The following HTR4 variants were observed in gnomAD, a reference collection of about 807,000 sequenced individuals.
The protein encoded by HTR4 is 5-hydroxytryptamine (serotonin) receptor 4, G protein-coupled.
In HTR4, 16 loss-of-function variants were observed where a neutral mutation model predicts 36.8. The ratio of observed to expected loss-of-function variants is 0.43; its 90% CI spans 0.29 to 0.66. HTR4 has a LOEUF of 0.66. Ranked by LOEUF, HTR4 falls within the 30% of genes least tolerant of loss-of-function variation. HTR4 has a pLI of 0.13. For synonymous variants in HTR4, 189 were observed against 185.1 expected (o/e 1.02, Z -0.17); for missense variants, 438 against 490.9 (o/e 0.89, Z 1.02).
intron 2 of HTR4, among the ~76,000 whole-genome samples, chr5:148,632,944 T>C (rs1224872835): frequency 1.3e-5 from 2 of 152,134 alleles, no homozygotes; most frequent in Non-Finnish European, 1.5e-5. Flanking sequence ...AAGCCAAAGA[T>C]GTTCTACAGG....
chr5:148,584,737 G>A (rs577212145), intron 2 of HTR4, among the ~76,000 whole-genome samples: 1 of 152,276 alleles, frequency 6.6e-6, no homozygotes, highest in Non-Finnish European at 1.5e-5. Flanking sequence ...TTTGGGCCAA[G>A]GAGTTACAGG....
chr5:148,578,709 A>G (rs969194583), intron 2 of HTR4, among the ~76,000 whole-genome samples: 1 of 152,076 alleles, frequency 6.6e-6, no homozygotes, highest in Non-Finnish European at 1.5e-5. Context: ...CGGGTGTCTT[A>G]TCTATAAAAC....
chr5:148,582,786 T>C (rs1394816015), intron 2 of HTR4, among the ~76,000 whole-genome samples: 2 of 152,214 alleles, frequency 1.3e-5, no homozygotes, highest in Non-Finnish European at 2.9e-5. Context: ...GTTGATTTTG[T>C]ATCCTGAGAC....
chr5:148,562,239 C>T (rs1016674442), intron 2 of HTR4, among the ~76,000 whole-genome samples: 4 of 152,056 alleles, frequency 2.6e-5, no homozygotes, highest in Non-Finnish European at 4.4e-5. Context: ...TTTCATGGCC[C>T]GAAGAGAAAC....
At chr5:148,619,558 C>T (rs987173125) in intron 2 of HTR4, among the ~76,000 whole-genome samples, 36 of 152,084 alleles carry the variant, frequency 2.4e-4, no homozygotes, top group African/African-American at 7.7e-4. Flanking sequence ...GTACAGACAA[C>T]GTGGGGCTAT....
chr5:148,623,840 C>T (rs1752996005), intron 2 of HTR4, among the ~76,000 whole-genome samples: 1 of 152,132 alleles, frequency 6.6e-6, no homozygotes, highest in African/African-American at 2.4e-5. Flanking sequence ...ACAGCAACTG[C>T]AGATTTCTGA....
chr5:148,460,983 G>A (rs1581335432), intron 5 of HTR4, among the ~76,000 whole-genome samples: 1 of 151,950 alleles, frequency 6.6e-6, no homozygotes, highest in East Asian at 1.9e-4. Context: ...ATGAGAAGAG[G>A]AATTATGATT....
chr5:148,551,406 A>G (rs1197102707), intron 2 of HTR4, among the ~76,000 whole-genome samples: 1 of 152,168 alleles, frequency 6.6e-6, no homozygotes, highest in African/African-American at 2.4e-5. Flanking sequence ...ACAATATGTC[A>G]TTGTTTTCCC....
intron 5 of HTR4, among the ~76,000 whole-genome samples, chr5:148,517,635 CAAAA>C (rs3041923): frequency 7.3e-4 from 104 of 142,590 alleles, no homozygotes; most frequent in African/African-American, 2.2e-3. Context: ...TCTAATTTTT[CAAAA>C]AAAAAAAAAA....
intron 5 of HTR4, among the ~76,000 whole-genome samples, chr5:148,464,529 A>G (rs879617292): frequency 6.6e-5 from 10 of 152,222 alleles, no homozygotes; most frequent in Non-Finnish European, 1.2e-4. Flanking sequence ...GCAGATGGAG[A>G]TGAGACACCA....
chr5:148,454,010 A>G (rs1236281467), intron 5 of HTR4, among the ~76,000 whole-genome samples: 1 of 152,168 alleles, frequency 6.6e-6, no homozygotes, highest in African/African-American at 2.4e-5. Context: ...TAGCCTTCAC[A>G]ACTTTTCTCA....
At chr5:148,531,644 G>T (rs998881236) in intron 4 of HTR4, among the ~76,000 whole-genome samples, 9 of 152,116 alleles carry the variant, frequency 5.9e-5, no homozygotes, top group African/African-American at 2.2e-4. Context: ...AATTCACCAG[G>T]TCCTACTGCA....
chr5:148,460,148 A>G (rs975501616), intron 5 of HTR4, among the ~76,000 whole-genome samples: 5 of 152,030 alleles, frequency 3.3e-5, no homozygotes, highest in Admixed American at 3.3e-4. Flanking sequence ...TCCAAGAACT[A>G]TGGGACAACT....
At chr5:148,458,500 T>C (rs1420605390) in intron 5 of HTR4, among the ~76,000 whole-genome samples, 1 of 151,938 alleles carries the variant, frequency 6.6e-6, no homozygotes, top group Non-Finnish European at 1.5e-5. Flanking sequence ...ACAAGTAGTG[T>C]CAGGAGTGAG....
At chr5:148,575,223 A>G (rs1395084727) in intron 2 of HTR4, among the ~76,000 whole-genome samples, 1 of 152,048 alleles carries the variant, frequency 6.6e-6, no homozygotes, top group Non-Finnish European at 1.5e-5. Context: ...CTGATCAATT[A>G]CAAGAGGTCT....
At chr5:148,592,914 G>C (rs1304619805) in intron 2 of HTR4, among the ~76,000 whole-genome samples, 1 of 151,818 alleles carries the variant, frequency 6.6e-6, no homozygotes, top group Non-Finnish European at 1.5e-5. Flanking sequence ...ATTTTCCTTT[G>C]ACAATTTTAA....
chr5:148,654,188 G>C lies in HTR4; in HGVS notation c.-174C>G, dbSNP rs1007845723. 1.0e-6 allele frequency: 1 copy of C among 984,980 alleles called. No homozygotes were observed. The allele number at this position is 984,980 out of a possible 1,614,324, so 61.0% of individuals were successfully genotyped here. A position where few individuals can be genotyped will look rare whatever the true frequency, so the allele number is the denominator to read the frequency against. ...AGCCGCTGCCTGCGCCCTCCCTGCC[G>C]CCCCCTCGGGTGCGGGCTCCAGCCC... On this transcript the variant is annotated 5_prime_UTR_variant, in exon 1 of 7. Coordinates refer to ENST00000377888, the MANE Select transcript of HTR4 (RefSeq NM_000870.7).
At chr5:148,604,090 G>A (rs1451606708) in intron 2 of HTR4, among the ~76,000 whole-genome samples, 5 of 151,992 alleles carry the variant, frequency 3.3e-5, no homozygotes, top group African/African-American at 7.2e-5. Flanking sequence ...AAAAACTTAT[G>A]GGTTTTCTCT....
chr5:148,513,940 A>G (rs1337023467), intron 5 of HTR4, among the ~76,000 whole-genome samples: 1 of 152,094 alleles, frequency 6.6e-6, no homozygotes, highest in East Asian at 1.9e-4. Context: ...CTTGGTGAGG[A>G]TTTTTATTGT....
Sources: allele counts gnomAD v4.1 joint callset (sites outside exome capture counted in the v4.1 genomes callset), GRCh38; gene constraint gnomAD v4.1.1; transcripts MANE v1.5; gene names NCBI Gene and HGNC (gene_info 2026-07-23, HGNC 2026-07-21).